CHODL: variants seen among roughly 807,000 people sequenced by gnomAD.
The protein encoded by CHODL is transmembrane protein MT75.
CHODL carries 29 observed loss-of-function variants against 34.5 expected under a neutral mutation model. The observed-to-expected ratio is 0.84, with a 90% CI of 0.63 to 1.15. The LOEUF (loss-of-function observed/expected upper bound fraction) is 1.15. CHODL is among the 50% of genes most tolerant of loss of function. The pLI is 0.00. For missense variants in CHODL, 332 were observed against 332.5 expected, an observed-to-expected ratio of 1.00 and a Z score of 0.01; for synonymous variants, 125 against 116.1, an observed-to-expected ratio of 1.08 and a Z score of -0.49.
At chr21:18,200,548 TCTC>T (rs2146707556) in intron 2 of CHODL, among the ~76,000 whole-genome samples, 1 of 152,250 alleles carries the variant, frequency 6.6e-6, no homozygotes, top group African/African-American at 2.4e-5. Context: ...CCTCTTAATA[TCTC>T]CTATCTCATT....
chr21:17,952,702 G>A (rs2063468430), intron 1 of CHODL, among the ~76,000 whole-genome samples: 1 of 152,054 alleles, frequency 6.6e-6, no homozygotes, highest in Admixed American at 6.6e-5. Flanking sequence ...TTTTTAAAAT[G>A]TTCTTATTTT....
chr21:18,206,135 T>C (rs572153871), intron 2 of CHODL, among the ~76,000 whole-genome samples: 28 of 152,302 alleles, frequency 1.8e-4, no homozygotes, highest in Non-Finnish European at 3.5e-4. Flanking sequence ...GTTCCGTAAA[T>C]ATCTGATTGG....
At chr21:18,052,479 A>C (rs533614878) in intron 2 of CHODL, among the ~76,000 whole-genome samples, 1 of 151,966 alleles carries the variant, frequency 6.6e-6, no homozygotes, top group African/African-American at 2.4e-5. Context: ...TTAAATAACA[A>C]AACATTTTGA....
At chr21:18,038,331 C>T (rs1031202158) in intron 2 of CHODL, among the ~76,000 whole-genome samples, 1 of 151,492 alleles carries the variant, frequency 6.6e-6, no homozygotes, top group Non-Finnish European at 1.5e-5. Flanking sequence ...CAAAAGTAGA[C>T]AATAAATTAA....
At chr21:18,199,157 A>C (rs1432686928) in intron 2 of CHODL, among the ~76,000 whole-genome samples, 1 of 152,154 alleles carries the variant, frequency 6.6e-6, no homozygotes, top group African/African-American at 2.4e-5. Flanking sequence ...TCATAGTAAC[A>C]GAACTCCAGA....
chr21:17,982,889 T>A (rs1315105808), intron 1 of CHODL, among the ~76,000 whole-genome samples: 1 of 151,400 alleles, frequency 6.6e-6, no homozygotes, highest in African/African-American at 2.4e-5. Context: ...CCCCCCCAGC[T>A]AATTTTTGTA....
intron 2 of CHODL, among the ~76,000 whole-genome samples, chr21:18,070,490 T>A (rs1457616742): frequency 6.6e-6 from 1 of 152,068 alleles, no homozygotes; most frequent in Non-Finnish European, 1.5e-5. Flanking sequence ...AAAACTGTAC[T>A]AAGTTCGAGA....
intron 2 of CHODL, among the ~76,000 whole-genome samples, chr21:18,040,190 G>A (rs1181677386): frequency 6.6e-6 from 1 of 151,816 alleles, no homozygotes; most frequent in African/African-American, 2.4e-5. Flanking sequence ...GCATGGTCAT[G>A]CAAACTTTGG....
At chr21:17,947,241 A>G (rs1239561917) in intron 1 of CHODL, among the ~76,000 whole-genome samples, 1 of 152,150 alleles carries the variant, frequency 6.6e-6, no homozygotes, top group African/African-American at 2.4e-5. Flanking sequence ...ATAATTAAAG[A>G]ACATGCTCCT....
At chr21:18,203,186 G>C (rs981878295) in intron 2 of CHODL, among the ~76,000 whole-genome samples, 1 of 152,092 alleles carries the variant, frequency 6.6e-6, no homozygotes, top group Non-Finnish European at 1.5e-5. Flanking sequence ...AGACGATTCT[G>C]GCTCAGATAA....
chr21:18,248,817 TTA>T (rs1000446075), intron 1 of CHODL, among the ~76,000 whole-genome samples: 1 of 118,504 alleles, frequency 8.4e-6, no homozygotes, highest in African/African-American at 3.6e-5. Flanking sequence ...TGTATGTATA[TTA>T]TATATGTATG....
chr21:18,040,972 T>C (rs961042628), intron 2 of CHODL, among the ~76,000 whole-genome samples: 6 of 151,958 alleles, frequency 3.9e-5, no homozygotes, highest in African/African-American at 7.2e-5. Context: ...AAAAAAGAAT[T>C]AAGCTTTACA....
intron 2 of CHODL, among the ~76,000 whole-genome samples, chr21:18,049,961 ATACCATGGAGGCAGGG>A (rs1568861080): frequency 6.6e-6 from 1 of 151,994 alleles, no homozygotes; most frequent in Non-Finnish European, 1.5e-5. Flanking sequence ...AGCACAGGTG[ATACCATGGAGGCAGGG>A]TTTCTGCTTT....
rs1354484041 is a variant in CHODL, at chr21:18,057,878, C to T, written c.-45+29907C>T. On this transcript the variant is annotated intron_variant, in intron 2 of 6. Coordinates refer to the CHODL transcript ENST00000400127. ...AATAATTGTACATATTCATGGAGTA[C>T]AAAATGATATTTTGATATATGTATA... Among the ~76,000 whole-genome samples, 3 of 151,666 alleles carry T rather than the reference C, an allele frequency of 2.0e-5. No individual in the cohort carries two copies. The East Asian group carries it at 5.8e-4, about 29-fold the overall frequency.
At chr21:18,033,765 A>G (rs796621089) in intron 2 of CHODL, among the ~76,000 whole-genome samples, 4 of 152,152 alleles carry the variant, frequency 2.6e-5, no homozygotes, top group African/African-American at 9.6e-5. Flanking sequence ...GAACATATTT[A>G]CATGAGGGAT....
intron 1 of CHODL, among the ~76,000 whole-genome samples, chr21:18,017,418 G>T (rs1296714800): frequency 2.6e-5 from 4 of 152,186 alleles, no homozygotes; most frequent in African/African-American, 9.7e-5. Flanking sequence ...ATGTGAAGAT[G>T]TGCTTGCTTC....
At position 18,090,637 on chromosome 21, in the gene CHODL, A is replaced by G. The variant is rs549178280; in HGVS notation, c.-45+62666A>G. Among the ~76,000 whole-genome samples the G allele has an allele frequency of 4.6e-5, 7 of 152,144 alleles. No individual in the cohort carries two copies. The South Asian group carries it at 1.5e-3, about 32-fold the overall frequency. On this transcript the variant is annotated intron_variant, in intron 2 of 6. Coordinates refer to the CHODL transcript ENST00000400127. ...GAGGAAGTCTGCCACAGAGAGAATG[A>G]AAGAGGAATATAGAAAATATGAAAA...
chr21:17,977,364 C>T (rs990114776), intron 1 of CHODL, among the ~76,000 whole-genome samples: 5 of 134,136 alleles, frequency 3.7e-5, no homozygotes, highest in African/African-American at 1.1e-4. Context: ...GGCTGTTTTA[C>T]TTTTTTTTTT....
chr21:18,068,704 C>T (rs536638770), intron 2 of CHODL, among the ~76,000 whole-genome samples: 1 of 152,118 alleles, frequency 6.6e-6, no homozygotes, highest in South Asian at 2.1e-4. Context: ...CATATTCTGT[C>T]CGCTCTTGGT....
Sources: gnomAD v4.1 joint callset for allele counts (sites outside exome capture counted in the v4.1 genomes callset) on GRCh38, gnomAD v4.1.1 for gene constraint, MANE v1.5 for transcripts, NCBI Gene and HGNC (gene_info 2026-07-23, HGNC 2026-07-21) for gene names.